Variants in ZNF516 observed in about 807,000 individuals in gnomAD.
ZNF516 encodes the protein zinc finger protein 516.
Under a neutral mutation model 79.7 loss-of-function variants are expected in ZNF516, and 19 were observed. That is an observed-to-expected ratio of 0.24 (90% confidence interval 0.17 to 0.35). The LOEUF is 0.35. Ranked by LOEUF, ZNF516 falls within the 10% of genes least tolerant of loss-of-function variation. The pLI is 1.00. For synonymous variants in ZNF516, 877 were observed against 739.5 expected, an observed-to-expected ratio of 1.19 and a Z score of -3.02; for missense variants, 1,678 against 1,679.5, an observed-to-expected ratio of 1.00 and a Z score of 0.02.
At chr18:76,424,606 G>A (rs1167404307) in intron 3 of ZNF516, among the ~76,000 whole-genome samples, 16 of 87,656 alleles carry the variant, frequency 1.8e-4, no homozygotes, top group Non-Finnish European at 2.4e-4. Context: ...AGGCTCCCCC[G>A]AAACACACGC....
intron 3 of ZNF516, among the ~76,000 whole-genome samples, chr18:76,380,586 C>T (rs2074875398): frequency 6.6e-6 from 1 of 152,094 alleles, no homozygotes. Context: ...ACGACGCTGT[C>T]CCTAGTTAAC....
intron 1 of ZNF516, among the ~76,000 whole-genome samples, chr18:76,473,903 T>TGTGTGTGTTG (rs58634236): frequency 1.8e-5 from 1 of 54,170 alleles, no homozygotes; most frequent in Non-Finnish European, 3.2e-5. Flanking sequence ...TGTTTTTGTG[T>TGTGTGTGTTG]GGGGGGGGGG....
chr18:76,390,893 A>G (rs1314463598), intron 3 of ZNF516, among the ~76,000 whole-genome samples: 2 of 152,180 alleles, frequency 1.3e-5, no homozygotes, highest in East Asian at 1.9e-4. Flanking sequence ...CCCATTTTGT[A>G]GATACGAAAC....
intron 6 of ZNF516, among the ~76,000 whole-genome samples, chr18:76,363,236 T>C (rs2074564282): frequency 6.6e-6 from 1 of 152,182 alleles, no homozygotes. Context: ...ACAGAAACAG[T>C]ATGGCCAGAT....
intron 2 of ZNF516, among the ~76,000 whole-genome samples, chr18:76,448,019 A>G (rs1006082838): frequency 6.6e-6 from 1 of 152,162 alleles, no homozygotes; most frequent in African/African-American, 2.4e-5. Context: ...CTTAGGTAAC[A>G]ATCACATTTA....
In ZNF516 at chr18:76,379,036, C is replaced by G. The variant is rs763215445; in HGVS notation, c.3078G>C (p.Leu1026Phe). The part of the protein sequence containing the change: ...CAAGSRGDAA[L>F]QAQPGVAGAP... ...CCCCAGCCACGCCGGGCTGGGCCTG[C>G]AAGGCCGCGTCGCCCCTGGACCCCG... The change falls in exon 4 of 7, where the codon TTG (leucine) becomes TTC (phenylalanine). Residue 1026 changes from leucine (L) to phenylalanine (F), a missense_variant. Leu to Phe is a conservative substitution (Grantham distance 22). Around this residue, in one of 5 missense-constraint regions of ZNF516, gnomAD observed 1,294 missense variants for 1,248.3 expected, o/e 1.04. Transcript: ENST00000443185. 38 of 1,611,094 alleles carry G rather than the reference C, an allele frequency of 2.4e-5. No homozygotes were observed. Among genetic ancestry groups the G allele is most frequent in the Non-Finnish European group, 3.0e-5 (35 of 1,179,472 alleles).
chr18:76,408,710 A>G (rs745881840), intron 3 of ZNF516, among the ~76,000 whole-genome samples: 11 of 152,272 alleles, frequency 7.2e-5, no homozygotes, highest in Non-Finnish European at 1.5e-4. Context: ...GAATGTTTGC[A>G]TAGTGACACG....
chr18:76,419,530 A>C (rs1001038298), intron 3 of ZNF516, among the ~76,000 whole-genome samples: 2 of 152,198 alleles, frequency 1.3e-5, no homozygotes, highest in African/African-American at 4.8e-5. Flanking sequence ...TCCCCACCCA[A>C]ATCTCATCTT....
intron 3 of ZNF516, among the ~76,000 whole-genome samples, chr18:76,398,908 T>C (rs1293786759): frequency 6.6e-6 from 1 of 151,642 alleles, no homozygotes. Context: ...CTGTAATGAG[T>C]CTTTAAAAAA....
chr18:76,383,390 C>A (rs372711405), intron 3 of ZNF516, among the ~76,000 whole-genome samples: 3 of 150,686 alleles, frequency 2.0e-5, no homozygotes, highest in Non-Finnish European at 4.4e-5. Context: ...CAGGCACCTT[C>A]TCAGCCAGGG....
chr18:76,495,536 G>A, upstream of ZNF516: 1 of 241,602 alleles, frequency 4.1e-6, no homozygotes, highest in South Asian at 3.2e-5. Flanking sequence ...TGAGGGGACA[G>A]TCTGGAGGCT....
At chr18:76,374,053 GC>G (rs1219599103) in intron 4 of ZNF516, among the ~76,000 whole-genome samples, 1 of 152,214 alleles carries the variant, frequency 6.6e-6, no homozygotes, top group Non-Finnish European at 1.5e-5. Flanking sequence ...ATTATGTGGT[GC>G]TGTGCTATCC....
intron 4 of ZNF516, chr18:76,378,143 A>G (rs1381344485): frequency 1.3e-5 from 2 of 152,230 alleles, no homozygotes; most frequent in Admixed American, 6.5e-5. Context: ...GTGACCTTCA[A>G]TTATGTTCCA....
Position 76,459,456 on chromosome 18 carries a change from C to T in ZNF516, c.-158+3572G>A, listed in dbSNP as rs1259926451. On this transcript the variant is annotated intron_variant, in intron 2 of 6. Coordinates refer to ENST00000443185, the MANE Select transcript of ZNF516 (RefSeq NM_014643.4). This position sits in a 1 kb window ranked among gnomAD's most constrained non-coding sequence, Gnocchi z 5.0. ...TCCACTGCCGGCCAGGGAGGCCTCG[C>T]GTGCCAAGCTGGCCCTGAGCTCAGC... Among the ~76,000 whole-genome samples, 2 of 152,238 alleles carry T rather than the reference C, an allele frequency of 1.3e-5. No individual in the cohort carries two copies. Among genetic ancestry groups the T allele is most frequent in the African/African-American group, 2.4e-5 (1 of 41,460 alleles).
chr18:76,473,368 A>C (rs1398874726), intron 1 of ZNF516, among the ~76,000 whole-genome samples: 2 of 150,484 alleles, frequency 1.3e-5, no homozygotes, highest in Non-Finnish European at 3.0e-5. Flanking sequence ...AAAAAAAAAA[A>C]AAAAAAAAAA....
chr18:76,483,899 C>T (rs1013677351), intron 1 of ZNF516, among the ~76,000 whole-genome samples: 2 of 152,184 alleles, frequency 1.3e-5, no homozygotes, highest in African/African-American at 2.4e-5. Flanking sequence ...TGACAGCAGC[C>T]TCAGACAGCA....
chr18:76,461,880 G>T (rs970480150), intron 2 of ZNF516, among the ~76,000 whole-genome samples: 1 of 152,178 alleles, frequency 6.6e-6, no homozygotes, highest in Non-Finnish European at 1.5e-5. Flanking sequence ...GAGAAACCCT[G>T]GGCAGCCTCA....
At position 76,358,714 on chromosome 18, in the gene ZNF516, CCTTT is replaced by C. The variant is rs1463068550; in HGVS notation, c.*3780_*3783del. ...ATGTGAATGCCGTCCTTCCTTCCTT[CCTTT>C]TTCTACAGCTTGGAAACCTCTGAGA... On this transcript the variant is annotated 3_prime_UTR_variant, in exon 7 of 7. Transcript: ENST00000443185. 3.9e-5 allele frequency: 6 copies of C among 152,334 alleles called. No homozygotes were observed. Among genetic ancestry groups the C allele is most frequent in the Admixed American group, 6.5e-5 (1 of 15,300 alleles). The allele number at this position is 152,334 out of a possible 1,614,324, so 9.4% of individuals were successfully genotyped here.
chr18:76,362,617 T>C, intron 6 of ZNF516, 60 bp from the exon 7 acceptor site: 2 of 1,506,758 alleles, frequency 1.3e-6, no homozygotes, highest in Admixed American at 1.8e-5. Context: ...GGTTTCTAAA[T>C]GCATTTTTCC....
Sources: allele counts gnomAD v4.1 joint callset (sites outside exome capture counted in the v4.1 genomes callset), GRCh38; gene constraint gnomAD v4.1.1; regional missense constraint gnomAD v4.1.1; non-coding constraint Gnocchi (gnomAD v3.1); transcripts MANE v1.5; gene names NCBI Gene and HGNC (gene_info 2026-07-23, HGNC 2026-07-21).